Variants in KCNT2 observed in about 807,000 individuals in gnomAD.
The protein encoded by KCNT2 is potassium sodium-activated channel subfamily T member 2.
A neutral mutation model predicts 153.8 loss-of-function variants in KCNT2; 67 were observed. The observed-to-expected ratio is 0.44, with a 90% CI of 0.36 to 0.53. The LOEUF (loss-of-function observed/expected upper bound fraction) is 0.53, where lower values mean the gene tolerates loss of function less well. KCNT2 is among the 20% of genes least tolerant of loss of function. The pLI is 0.00. For missense variants in KCNT2, 975 were observed against 1,354.8 expected (o/e 0.72, Z 4.40); for synonymous variants, 500 against 458.8 (o/e 1.09, Z -1.15).
At chr1:196,276,942 G>A (rs1658629750) in intron 25 of KCNT2, among the ~76,000 whole-genome samples, 1 of 151,930 alleles carries the variant, frequency 6.6e-6, no homozygotes, top group Non-Finnish European at 1.5e-5. Context: ...TTGGTGATGT[G>A]ATTCACTGTT....
chr1:196,578,480 AC>A (rs1380776528), intron 1 of KCNT2, among the ~76,000 whole-genome samples: 1 of 152,174 alleles, frequency 6.6e-6, no homozygotes. Flanking sequence ...CTCACAGAGC[AC>A]TGGAGGATGA....
chr1:196,339,537 AG>A (rs1665399358), intron 16 of KCNT2, among the ~76,000 whole-genome samples: 3 of 151,656 alleles, frequency 2.0e-5, no homozygotes, highest in Non-Finnish European at 4.4e-5. Context: ...AGAGAGAGAG[AG>A]AGAGAGAGAG....
At chr1:196,544,177 A>G (rs999253476) in intron 1 of KCNT2, among the ~76,000 whole-genome samples, 1 of 152,178 alleles carries the variant, frequency 6.6e-6, no homozygotes, top group Non-Finnish European at 1.5e-5. Context: ...ATCACATCAC[A>G]AATTTTAAAA....
intron 1 of KCNT2, among the ~76,000 whole-genome samples, chr1:196,556,461 C>T (rs181541249): frequency 6.6e-6 from 1 of 151,318 alleles, no homozygotes; most frequent in Non-Finnish European, 1.5e-5. Flanking sequence ...ACCTCTCACC[C>T]GAGTTAAAAT....
At chr1:196,292,948 C>CA (rs984310408) in intron 22 of KCNT2, among the ~76,000 whole-genome samples, 9 of 150,534 alleles carry the variant, frequency 6.0e-5, no homozygotes, top group Non-Finnish European at 1.0e-4. Flanking sequence ...GCAAAATCAA[C>CA]ACATAAAAGT....
At chr1:196,229,220 T>G (rs1218433313) in intron 27 of KCNT2, among the ~76,000 whole-genome samples, 1 of 152,068 alleles carries the variant, frequency 6.6e-6, no homozygotes, top group Non-Finnish European at 1.5e-5. Context: ...AGACATTTTT[T>G]CCAGCATGTG....
chr1:196,493,091 A>T (rs1397443660), intron 1 of KCNT2, among the ~76,000 whole-genome samples: 1 of 152,178 alleles, frequency 6.6e-6, no homozygotes, highest in Non-Finnish European at 1.5e-5. Flanking sequence ...ATAAGGCACA[A>T]TTAATATTTT....
rs1326142079 is a variant in KCNT2, at chr1:196,429,592, C to G, written c.804G>C (p.Val268=). ...TTTTGTTTACCTGTATGGGTAGAACCACAAGAGCAACACAAATCATAGCAA... is the reference window on the plus strand; with the variant it reads ...TTTTGTTTACCTGTATGGGTAGAACGACAAGAGCAACACAAATCATAGCAA... The part of the protein sequence containing the change: ...FVVAMICVAL[V]VLPIQFEQLA... Residue 268 remains valine (V), a synonymous_variant, in exon 9 of 28, where the codon GTG becomes GTC. Coordinates refer to ENST00000294725, the MANE Select transcript of KCNT2 (RefSeq NM_198503.5). 5 of 1,609,738 alleles carry G rather than the reference C, an allele frequency of 3.1e-6. No homozygotes were observed. Among genetic ancestry groups the G allele is most frequent in the Non-Finnish European group, 4.2e-6 (5 of 1,178,244 alleles).
At chr1:196,438,870 GAA>G (rs1284157039) in intron 8 of KCNT2, among the ~76,000 whole-genome samples, 1 of 150,372 alleles carries the variant, frequency 6.7e-6, no homozygotes, top group Non-Finnish European at 1.5e-5. Context: ...GTAATATTTT[GAA>G]AAAAAATCCA....
chr1:196,257,690 T>C (rs1184059764), intron 26 of KCNT2: 3 of 982,052 alleles, frequency 3.1e-6, no homozygotes, highest in Non-Finnish European at 3.6e-6. Context: ...AGATTGGCAC[T>C]ATATGAGATA....
At position 196,290,026 on chromosome 1, in the gene KCNT2, T is replaced by C. The variant is rs563387211; in HGVS notation, c.2596-4268A>G. ...GAAATTTTGTTTCCTTTAATCTGTG[T>C]CCATCAATACCATATGGAATGAGAT... On this transcript the variant is annotated intron_variant, in intron 22 of 27. Coordinates refer to ENST00000294725, the MANE Select transcript of KCNT2 (RefSeq NM_198503.5). 1.2e-4 allele frequency among the ~76,000 whole-genome samples: 19 copies of C among 152,140 alleles called. No individual in the cohort carries two copies. In the South Asian group the frequency reaches 3.9e-3, roughly 32 times the overall value.
chr1:196,491,730 G>A (rs968943313), intron 2 of KCNT2, among the ~76,000 whole-genome samples: 11 of 146,296 alleles, frequency 7.5e-5, no homozygotes, highest in Non-Finnish European at 1.2e-4. Context: ...GGAATCACTG[G>A]GATGTTAAAC....
chr1:196,297,943 A>G (rs1214901977), intron 22 of KCNT2, among the ~76,000 whole-genome samples: 1 of 152,182 alleles, frequency 6.6e-6, no homozygotes, highest in Non-Finnish European at 1.5e-5. Context: ...GGCTCGTAGT[A>G]TGTGCTCAGT....
intron 12 of KCNT2, among the ~76,000 whole-genome samples, chr1:196,408,430 T>C (rs1276542883): frequency 6.6e-6 from 1 of 151,554 alleles, no homozygotes; most frequent in Non-Finnish European, 1.5e-5. Flanking sequence ...TACCCATCAG[T>C]TACTGCCTGA....
chr1:196,506,427 C>A (rs1681150767), intron 1 of KCNT2, among the ~76,000 whole-genome samples: 1 of 152,088 alleles, frequency 6.6e-6, no homozygotes, highest in Non-Finnish European at 1.5e-5. Flanking sequence ...CTACAATAAT[C>A]ATTTACTTGG....
rs528106675 is a variant in KCNT2, at chr1:196,419,948, G to A, written c.1185+3102C>T. Among the ~76,000 whole-genome samples the A allele has an allele frequency of 1.7e-3, 263 of 151,908 alleles. 1 individual carries two copies. Among genetic ancestry groups the A allele is most frequent in the African/African-American group, 4.8e-3 (197 of 41,466 alleles). On this transcript the variant is annotated intron_variant, in intron 12 of 27. Coordinates refer to ENST00000294725, the MANE Select transcript of KCNT2 (RefSeq NM_198503.5). ...CAATTTTTGTGTGGAAAATTTGGGCGTATTATGTCTTTCATAATATTCTAC... is the reference window on the plus strand; with the variant it reads ...CAATTTTTGTGTGGAAAATTTGGGCATATTATGTCTTTCATAATATTCTAC...
At chr1:196,361,870 C>A (rs924271007) in intron 14 of KCNT2, among the ~76,000 whole-genome samples, 2 of 151,732 alleles carry the variant, frequency 1.3e-5, no homozygotes, top group African/African-American at 4.8e-5. Context: ...TTATAGCAAT[C>A]AATCACATTA....
intron 8 of KCNT2, among the ~76,000 whole-genome samples, chr1:196,430,509 C>A (rs1346601878): frequency 6.6e-6 from 1 of 151,932 alleles, no homozygotes; most frequent in African/African-American, 2.4e-5. Context: ...AAGGCCCTCA[C>A]CAGTTGCCAG....
At chr1:196,599,713 G>A (rs1383783919) in intron 1 of KCNT2, among the ~76,000 whole-genome samples, 1 of 152,190 alleles carries the variant, frequency 6.6e-6, no homozygotes, top group African/African-American at 2.4e-5. Context: ...TGACAATTGG[G>A]TTCTGTTTCT....
Sources: allele counts gnomAD v4.1 joint callset (sites outside exome capture counted in the v4.1 genomes callset), GRCh38; gene constraint gnomAD v4.1.1; transcripts MANE v1.5; gene names NCBI Gene and HGNC (gene_info 2026-07-23, HGNC 2026-07-21).